Variants in RALGAPA2 observed in about 807,000 individuals in gnomAD.
RALGAPA2 encodes ral GTPase-activating protein subunit alpha-2.
In RALGAPA2, 139 loss-of-function variants were observed where a neutral mutation model predicts 230.4. The ratio of observed to expected loss-of-function variants is 0.60; its 90% CI spans 0.53 to 0.69. The LOEUF (loss-of-function observed/expected upper bound fraction) is 0.69. Ranked by LOEUF, RALGAPA2 falls within the 30% of genes least tolerant of loss-of-function variation. The probability of loss-of-function intolerance (pLI) is 0.00; values close to 1 mark genes in which losing one functional copy is unlikely to be tolerated. For missense variants in RALGAPA2, 2,163 were observed against 2,276.0 expected, an observed-to-expected ratio of 0.95 and a Z score of 1.01; for synonymous variants, 847 against 837.8, an observed-to-expected ratio of 1.01 and a Z score of -0.19.
At chr20:20,500,090 T>C (rs1264665126) in intron 35 of RALGAPA2, among the ~76,000 whole-genome samples, 1 of 152,274 alleles carries the variant, frequency 6.6e-6, no homozygotes, top group African/African-American at 2.4e-5. Flanking sequence ...AATGATTATC[T>C]GAGCCTTCAG....
At chr20:20,703,169 T>C (rs2069458943) in intron 1 of RALGAPA2, among the ~76,000 whole-genome samples, 1 of 149,488 alleles carries the variant, frequency 6.7e-6, no homozygotes, top group East Asian at 2.0e-4. Flanking sequence ...CAAGACTCCA[T>C]CTCAAAAAAA....
chr20:20,424,288 C>T (rs1047947564), intron 37 of RALGAPA2, among the ~76,000 whole-genome samples: 1 of 152,194 alleles, frequency 6.6e-6, no homozygotes, highest in African/African-American at 2.4e-5. Flanking sequence ...GTGACACCGT[C>T]GCTCAAAGTC....
intron 38 of RALGAPA2, among the ~76,000 whole-genome samples, chr20:20,400,450 C>A (rs941465470): frequency 1.3e-5 from 2 of 152,184 alleles, no homozygotes; most frequent in Admixed American, 1.3e-4. Context: ...GCTAAGTGAG[C>A]AGGTGGATCA....
chr20:20,465,197 A>AC (rs772089136), intron 37 of RALGAPA2, among the ~76,000 whole-genome samples: 1 of 147,342 alleles, frequency 6.8e-6, no homozygotes, highest in African/African-American at 2.5e-5. Context: ...ACACACACAC[A>AC]CTCTCTCATA....
At chr20:20,442,611 C>T (rs2060762233) in intron 37 of RALGAPA2, among the ~76,000 whole-genome samples, 1 of 152,230 alleles carries the variant, frequency 6.6e-6, no homozygotes, top group African/African-American at 2.4e-5. Flanking sequence ...AACACTTTGG[C>T]TTTGCCTTGG....
At chr20:20,446,464 C>A (rs1165618954) in intron 37 of RALGAPA2, among the ~76,000 whole-genome samples, 3 of 152,104 alleles carry the variant, frequency 2.0e-5, no homozygotes, top group African/African-American at 7.2e-5. Flanking sequence ...ACTTTTGCAC[C>A]AATCTAAATA....
At chr20:20,542,507 C>T (rs1384475927) in intron 24 of RALGAPA2, among the ~76,000 whole-genome samples, 3 of 152,154 alleles carry the variant, frequency 2.0e-5, no homozygotes, top group Admixed American at 2.0e-4. Flanking sequence ...TGACTTCAAA[C>T]TCTACTACAA....
intron 15 of RALGAPA2, among the ~76,000 whole-genome samples, chr20:20,604,672 A>ATTT (rs577112932): frequency 7.0e-6 from 1 of 142,884 alleles, no homozygotes; most frequent in Admixed American, 7.0e-5. Context: ...ACATTATGAG[A>ATTT]TTTTTTTTTT....
chr20:20,635,726 A>C (rs904549856), intron 8 of RALGAPA2, 109 bp from the exon 9 acceptor site: 2 of 950,982 alleles, frequency 2.1e-6, no homozygotes, highest in African/African-American at 3.5e-5. Context: ...TTGTCTAAAT[A>C]GCAACTAAGA....
chr20:20,556,880 T>C (rs1028078439), intron 23 of RALGAPA2, among the ~76,000 whole-genome samples: 5 of 152,120 alleles, frequency 3.3e-5, no homozygotes, highest in Admixed American at 2.6e-4. Context: ...AAAATATTTT[T>C]CTGAGGTGCC....
chr20:20,583,551 A>C (rs1568609395), intron 19 of RALGAPA2, among the ~76,000 whole-genome samples: 1 of 152,184 alleles, frequency 6.6e-6, no homozygotes, highest in Non-Finnish European at 1.5e-5. Flanking sequence ...TGGGACTTAC[A>C]AAATGAGGAT....
chr20:20,404,644 A>G (rs2059910559), intron 38 of RALGAPA2, among the ~76,000 whole-genome samples: 1 of 152,194 alleles, frequency 6.6e-6, no homozygotes, highest in African/African-American at 2.4e-5. Context: ...ATAAGCTTTA[A>G]TTAAGAGTTA....
At position 20,465,149 on chromosome 20, in the gene RALGAPA2, T is replaced by TCACACACACACACACACACACACACACA. The variant is rs74180992; in HGVS notation, c.5495+7652_5495+7679dup. The stretch of plus-strand genomic sequence containing the variant: ...GCTTCTTCCCTCCCCCCGCAGGCCT[T>TCACACACACACACACACACACACACACA]CACACACACACACACACACACACAC... On this transcript the variant is annotated intron_variant, in intron 37 of 39. Coordinates refer to ENST00000202677, the MANE Select transcript of RALGAPA2 (RefSeq NM_020343.4). Among the ~76,000 whole-genome samples, 25 of 109,236 alleles carry TCACACACACACACACACACACACACACA rather than the reference T, an allele frequency of 2.3e-4. 1 individual carries two copies. Among genetic ancestry groups the TCACACACACACACACACACACACACACA allele is most frequent in the East Asian group, 1.9e-3 (6 of 3,242 alleles). 71.7% of individuals were successfully genotyped at this position (109,236 alleles called of 152,430 possible). A position where few individuals can be genotyped will look rare whatever the true frequency, so the allele number is the denominator to read the frequency against.
chr20:20,670,775 CTG>C (rs2068106725), intron 3 of RALGAPA2, among the ~76,000 whole-genome samples: 2 of 151,816 alleles, frequency 1.3e-5, no homozygotes, highest in African/African-American at 4.8e-5. Flanking sequence ...TGGTGAAACC[CTG>C]TCTCTACTAA....
At chr20:20,446,826 A>C (rs548684844) in intron 37 of RALGAPA2, among the ~76,000 whole-genome samples, 3 of 152,316 alleles carry the variant, frequency 2.0e-5, no homozygotes, top group African/African-American at 7.2e-5. Context: ...CTCTGGAGTG[A>C]CAAGTCACCG....
intron 37 of RALGAPA2, among the ~76,000 whole-genome samples, chr20:20,460,144 T>C (rs1231224278): frequency 6.6e-6 from 1 of 152,202 alleles, no homozygotes; most frequent in African/African-American, 2.4e-5. Context: ...TGAGATGTTC[T>C]TCTAGTTGGG....
intron 38 of RALGAPA2, among the ~76,000 whole-genome samples, chr20:20,397,313 G>C (rs367579608): frequency 6.6e-6 from 1 of 152,204 alleles, no homozygotes; most frequent in South Asian, 2.1e-4. Context: ...GGAAAGCTTG[G>C]GAGGGTTCCC....
At chr20:20,452,861 C>A (rs2061019729) in intron 37 of RALGAPA2, among the ~76,000 whole-genome samples, 1 of 152,180 alleles carries the variant, frequency 6.6e-6, no homozygotes, top group African/African-American at 2.4e-5. Context: ...AGTAAAATTC[C>A]ACAGGCATCT....
At chr20:20,502,012 C>A (rs556756930) in intron 35 of RALGAPA2, among the ~76,000 whole-genome samples, 1 of 152,092 alleles carries the variant, frequency 6.6e-6, no homozygotes, top group Non-Finnish European at 1.5e-5. Context: ...ATAGCAACAT[C>A]AAAGGTCACT....
Sources: allele counts gnomAD v4.1 joint callset (sites outside exome capture counted in the v4.1 genomes callset), GRCh38; gene constraint gnomAD v4.1.1; transcripts MANE v1.5; gene names NCBI Gene and HGNC (gene_info 2026-07-23, HGNC 2026-07-21).